The following CRLF3 variants were observed in gnomAD, a reference collection of about 807,000 sequenced individuals.
CRLF3 encodes cytokine receptor like factor 3.
In CRLF3, 33 loss-of-function variants were observed where a neutral mutation model predicts 55.0. That is an observed-to-expected ratio of 0.60 (90% CI 0.46 to 0.80). CRLF3 has a LOEUF of 0.80. Among genes scored for constraint, CRLF3 ranks in the 30% least tolerant of loss-of-function variants. The probability of loss-of-function intolerance (pLI) is 0.00; values close to 1 mark genes in which losing one functional copy is unlikely to be tolerated. For synonymous variants in CRLF3, 238 were observed against 196.8 expected, an observed-to-expected ratio of 1.21 and a Z score of -1.75; for missense variants, 494 against 538.4, an observed-to-expected ratio of 0.92 and a Z score of 0.82.
At chr17:30,787,727 T>TAGTG (rs1371251581) in intron 6 of CRLF3, 9 of 152,322 alleles carry the variant, frequency 5.9e-5, no homozygotes, top group African/African-American at 2.2e-4. Flanking sequence ...GGGCCGGGCA[T>TAGTG]AGTGGCTCAC....
chr17:30,791,678 C>T (rs536679190), intron 6 of CRLF3, among the ~76,000 whole-genome samples: 1 of 150,376 alleles, frequency 6.6e-6, no homozygotes, highest in African/African-American at 2.5e-5. Context: ...CCACCATGTC[C>T]GGCTAATTTT....
At chr17:30,792,784 A>T in intron 5 of CRLF3, 1 of 448,228 alleles carries the variant, frequency 2.2e-6, no homozygotes, top group Non-Finnish European at 4.0e-6. Context: ...TGACATAATA[A>T]ATCACACAAG....
intron 4 of CRLF3, among the ~76,000 whole-genome samples, chr17:30,794,130 G>A (rs1402635878): frequency 6.6e-6 from 1 of 152,104 alleles, no homozygotes; most frequent in Non-Finnish European, 1.5e-5. Flanking sequence ...CACTGCGCCT[G>A]GGCTCCCTTC....
At chr17:30,822,688 C>T (rs559269792) in intron 1 of CRLF3, among the ~76,000 whole-genome samples, 1 of 152,010 alleles carries the variant, frequency 6.6e-6, no homozygotes, top group African/African-American at 2.4e-5. Flanking sequence ...GGTGTAATCA[C>T]GATTTTTTTT....
chr17:30,788,131 A>G (rs1971692457), intron 6 of CRLF3, among the ~76,000 whole-genome samples: 1 of 151,874 alleles, frequency 6.6e-6, no homozygotes. Flanking sequence ...GATTGAGACC[A>G]TCCTGGCTAA....
chr17:30,797,521 CA>C (rs1766345379), intron 2 of CRLF3, 123 bp from the exon 3 acceptor site: 1 of 716,070 alleles, frequency 1.4e-6, no homozygotes, highest in African/African-American at 1.8e-5. Context: ...ATGCCACAGT[CA>C]AATTCCCAAA....
intron 2 of CRLF3, among the ~76,000 whole-genome samples, chr17:30,802,511 G>A (rs773911422): frequency 2.0e-5 from 3 of 152,058 alleles, no homozygotes; most frequent in Non-Finnish European, 4.4e-5. Context: ...GCTCACTGCA[G>A]TGTCAATCTC....
At chr17:30,822,359 A>C (rs1905024570) in intron 1 of CRLF3, among the ~76,000 whole-genome samples, 1 of 152,222 alleles carries the variant, frequency 6.6e-6, no homozygotes, top group Non-Finnish European at 1.5e-5. Context: ...CCAAACATGC[A>C]CAATCCACTA....
chr17:30,793,390 C>A, intron 5 of CRLF3, 60 bp downstream of exon 5: 1 of 1,317,960 alleles, frequency 7.6e-7, no homozygotes, highest in South Asian at 1.2e-5. Flanking sequence ...GCCCTTAGCA[C>A]AGAATACAGG....
At chr17:30,794,969 C>G (rs1567661835) in intron 4 of CRLF3, among the ~76,000 whole-genome samples, 1 of 152,030 alleles carries the variant, frequency 6.6e-6, no homozygotes, top group East Asian at 1.9e-4. Context: ...GCGTATGGAT[C>G]CAATACTCTA....
intron 2 of CRLF3, among the ~76,000 whole-genome samples, chr17:30,800,220 G>A (rs1053167144): frequency 6.6e-6 from 1 of 152,050 alleles, no homozygotes; most frequent in Non-Finnish European, 1.5e-5. Context: ...GACCCTTAGC[G>A]TTCTAATCTC....
At chr17:30,798,295 T>C (rs1971955129) in intron 2 of CRLF3, among the ~76,000 whole-genome samples, 1 of 151,852 alleles carries the variant, frequency 6.6e-6, no homozygotes, top group South Asian at 2.1e-4. Context: ...GGAGAATCAC[T>C]TGAATCCGGG....
chr17:30,801,090 T>A (rs565483605), intron 2 of CRLF3: 19 of 151,512 alleles, frequency 1.3e-4, no homozygotes, highest in African/African-American at 4.1e-4. Context: ...GCTATTTTTT[T>A]TTAAAAAAAT....
chr17:30,797,138 G>A (rs1248352228), intron 3 of CRLF3, among the ~76,000 whole-genome samples, 173 bp downstream of exon 3: 2 of 152,002 alleles, frequency 1.3e-5, no homozygotes. Context: ...CAATCCACCC[G>A]CCTTGGCCTC....
intron 2 of CRLF3, chr17:30,803,691 C>G (rs1972041297): frequency 1.8e-6 from 1 of 559,106 alleles, no homozygotes; most frequent in Non-Finnish European, 3.2e-6. Context: ...AGGGGAAACC[C>G]CTTTCGCTTG....
At chr17:30,815,090 T>TA (rs1435197135) in intron 1 of CRLF3, among the ~76,000 whole-genome samples, 2 of 144,282 alleles carry the variant, frequency 1.4e-5, no homozygotes, top group Non-Finnish European at 3.0e-5. Flanking sequence ...CTTTCTTTTT[T>TA]TTTTTTTTTT....
At chr17:30,808,275 ATATTTTTT>A (rs1904484192) in intron 1 of CRLF3, among the ~76,000 whole-genome samples, 2 of 103,432 alleles carry the variant, frequency 1.9e-5, no homozygotes, top group African/African-American at 7.6e-5. Flanking sequence ...CCTAGAACCT[ATATTTTTT>A]TTTTTTTTTT....
chr17:30,812,815 A>C (rs1397059714), intron 1 of CRLF3, among the ~76,000 whole-genome samples: 1 of 152,160 alleles, frequency 6.6e-6, no homozygotes, highest in Non-Finnish European at 1.5e-5. Flanking sequence ...ACCATGAAAG[A>C]AGTATGTCTA....
At chr17:30,806,248 G>C (rs1597926317) in intron 1 of CRLF3, among the ~76,000 whole-genome samples, 1 of 152,156 alleles carries the variant, frequency 6.6e-6, no homozygotes, top group South Asian at 2.1e-4. Context: ...TATTGAAAGA[G>C]AAGAAAAAGC....
Sources: allele counts gnomAD v4.1 joint callset (sites outside exome capture counted in the v4.1 genomes callset), GRCh38; gene constraint gnomAD v4.1.1; transcripts MANE v1.5; gene names NCBI Gene and HGNC (gene_info 2026-07-23, HGNC 2026-07-21).